The following PIK3R3 variants were observed in gnomAD, a reference collection of about 807,000 sequenced individuals.
PIK3R3 encodes the protein phosphoinositide-3-kinase regulatory subunit 3.
A neutral mutation model predicts 62.9 loss-of-function variants in PIK3R3; 64 were observed. The ratio of observed to expected loss-of-function variants is 1.02; its 90% CI spans 0.83 to 1.25. The LOEUF (loss-of-function observed/expected upper bound fraction) is 1.25, where lower values mean the gene tolerates loss of function less well. PIK3R3 is among the 50% of genes most tolerant of loss of function. The pLI is 0.00. For missense variants in PIK3R3, 614 were observed against 561.6 expected (o/e 1.09, Z -0.94); for synonymous variants, 165 against 189.0 (o/e 0.87, Z 1.04).
chr1:46,083,851 C>A (rs181576259), intron 1 of PIK3R3, among the ~76,000 whole-genome samples: 59 of 152,276 alleles, frequency 3.9e-4, no homozygotes, highest in Non-Finnish European at 6.9e-4. Context: ...AATGATGCTG[C>A]TGCTTGGAAA....
At chr1:46,159,894 T>G in the PIK3R3 span, among the ~76,000 whole-genome samples, 1 of 152,202 alleles carries the variant, frequency 6.6e-6, no homozygotes, top group Non-Finnish European at 1.5e-5. Flanking sequence ...TATGCCGTGT[T>G]GTTTTTTACT....
At chr1:46,169,558 C>T in the PIK3R3 span, among the ~76,000 whole-genome samples, 5 of 152,144 alleles carry the variant, frequency 3.3e-5, no homozygotes, top group Admixed American at 6.5e-5. Context: ...CTTCAAAAGA[C>T]AGCAAAGGAG....
the PIK3R3 span, among the ~76,000 whole-genome samples, chr1:46,152,464 G>A: frequency 6.6e-6 from 1 of 151,874 alleles, no homozygotes; most frequent in Non-Finnish European, 1.5e-5. Flanking sequence ...GATTTTAGTG[G>A]CAATTGGGTT....
chr1:46,047,326 T>C (rs55735913), intron 7 of PIK3R3, among the ~76,000 whole-genome samples: 30,393 of 151,394 alleles, frequency 0.2, 3,566 homozygotes, highest in Non-Finnish European at 0.26. Flanking sequence ...TAATCCCAGC[T>C]ACTAGGGAGG....
upstream of PIK3R3, chr1:46,132,954 T>C (rs1399813213): frequency 3.6e-6 from 4 of 1,122,134 alleles, no homozygotes; most frequent in Non-Finnish European, 4.4e-6. Flanking sequence ...CAGGAGTCAG[T>C]GCCGGGAGCA....
intron 1 of PIK3R3, among the ~76,000 whole-genome samples, chr1:46,105,348 A>C (rs554463218): frequency 6.6e-6 from 1 of 152,228 alleles, no homozygotes; most frequent in South Asian, 2.1e-4. Context: ...AAAAATACAA[A>C]AATTAGCTGA....
At chr1:46,098,701 GA>G (rs1443629143) in intron 1 of PIK3R3, among the ~76,000 whole-genome samples, 2 of 152,144 alleles carry the variant, frequency 1.3e-5, no homozygotes, top group African/African-American at 2.4e-5. Context: ...GAAGAATGGG[GA>G]ATGACTTTTT....
intron 1 of PIK3R3, among the ~76,000 whole-genome samples, chr1:46,092,713 CA>C (rs1460862253): frequency 6.6e-6 from 1 of 152,092 alleles, no homozygotes; most frequent in Non-Finnish European, 1.5e-5. Context: ...TCTTTCACCT[CA>C]ATGAGACCTC....
At chr1:46,153,201 A>T in the PIK3R3 span, among the ~76,000 whole-genome samples, 3 of 152,118 alleles carry the variant, frequency 2.0e-5, no homozygotes, top group Non-Finnish European at 4.4e-5. Flanking sequence ...CCTCAGCCTC[A>T]TTTGCCTGTA....
intron 3 of PIK3R3, among the ~76,000 whole-genome samples, chr1:46,075,579 G>A (rs1167417577): frequency 6.6e-6 from 1 of 151,834 alleles, no homozygotes; most frequent in Non-Finnish European, 1.5e-5. Flanking sequence ...CCATGACCAT[G>A]CCACTGCACT....
chr1:46,087,072 A>T (rs1421717245), intron 1 of PIK3R3, among the ~76,000 whole-genome samples: 1 of 152,184 alleles, frequency 6.6e-6, no homozygotes, highest in Non-Finnish European at 1.5e-5. Flanking sequence ...AACAATGAGA[A>T]TACTTGGACA....
At chr1:46,073,806 T>C (rs1220108905) in intron 3 of PIK3R3, among the ~76,000 whole-genome samples, 5 of 119,338 alleles carry the variant, frequency 4.2e-5, no homozygotes, top group Non-Finnish European at 9.2e-5. Flanking sequence ...TTTTTTTTTT[T>C]AGTATTTTTA....
In PIK3R3 at chr1:46,046,543, G is replaced by A; in HGVS notation, c.1016+8C>T. ...GCCCTCTGACAGAAAGGTATAGAGA[G>A]AACTTACTCATCAGCATCCTCATTC... On this transcript the variant is annotated splice_region_variant and intron_variant, in intron 8 of 9. Transcript: ENST00000262741. 1 of 1,586,740 alleles carries A rather than the reference G, an allele frequency of 6.3e-7. No homozygotes were observed. The highest frequency in any genetic ancestry group is 8.7e-7 in the Non-Finnish European group (1 of 1,155,028).
chr1:46,124,632 A>C (rs1047421701), intron 1 of PIK3R3, among the ~76,000 whole-genome samples: 1 of 151,660 alleles, frequency 6.6e-6, no homozygotes, highest in Non-Finnish European at 1.5e-5. Flanking sequence ...CCCCATCTCT[A>C]CTAAAAATAC....
rs575109969 is a variant in PIK3R3 at position 46,096,663 on chromosome 1, C to T, written c.107-15913G>A. Among the ~76,000 whole-genome samples the T allele has an allele frequency of 1.8e-3, 270 of 152,096 alleles. 1 individual carries two copies. Among genetic ancestry groups the T allele is most frequent in the Middle Eastern group, 6.8e-3 (2 of 294 alleles). On this transcript the variant is annotated intron_variant, in intron 1 of 9. Transcript: ENST00000262741. ...TCTGTAATCCCAACACTTAGGGAGA[C>T]GGGCAGGCCGATCACCCGAGGTCAA...
In PIK3R3 at chr1:46,046,083, T is replaced by G; in HGVS notation, c.1022A>C (p.Tyr341Ser). The G allele has an allele frequency of 6.3e-7, 1 of 1,577,488 alleles. No homozygotes were observed. The highest frequency in any genetic ancestry group is 8.7e-7 in the Non-Finnish European group (1 of 1,153,842). Residue 341 changes from tyrosine to serine, a missense_variant, in exon 9 of 10, where the codon TAT becomes TCT. Coordinates refer to ENST00000262741, the MANE Select transcript of PIK3R3 (RefSeq NM_003629.4). ...GTTTTCATCTTCCTCATTGATAAAA[T>G]AGTTCCTAAAAATTAAATATTAGTA... is the stretch of plus-strand genomic sequence containing the variant. ...GIKNEDADEN[Y>S]FINEEDENLP...
At chr1:46,156,070 T>C in the PIK3R3 span, among the ~76,000 whole-genome samples, 1 of 152,148 alleles carries the variant, frequency 6.6e-6, no homozygotes, top group East Asian at 1.9e-4. Context: ...TTATATAAGT[T>C]GTAAAACGTG....
chr1:46,056,077 G>T, intron 6 of PIK3R3, 106 bp from the exon 7 acceptor site: 1 of 664,090 alleles, frequency 1.5e-6, no homozygotes, highest in Non-Finnish European at 2.4e-6. Flanking sequence ...TTGAGATTGA[G>T]TCTCGCTCTG....
intron 1 of PIK3R3, among the ~76,000 whole-genome samples, chr1:46,113,904 G>T (rs1054665322): frequency 6.6e-6 from 1 of 152,202 alleles, no homozygotes; most frequent in African/African-American, 2.4e-5. Context: ...GGATTATAAA[G>T]GTGGTAGGTA....
Sources: allele counts gnomAD v4.1 joint callset (sites outside exome capture counted in the v4.1 genomes callset), GRCh38; gene constraint gnomAD v4.1.1; transcripts MANE v1.5; gene names NCBI Gene and HGNC (gene_info 2026-07-23, HGNC 2026-07-21).